The following DCXR variants were observed in gnomAD, a reference collection of about 807,000 sequenced individuals.
DCXR encodes the protein dicarbonyl and L-xylulose reductase, also known as L-xylulose reductase.
A neutral mutation model predicts 25.9 loss-of-function variants in DCXR; 24 were observed. The observed-to-expected ratio is 0.93, with a 90% CI of 0.67 to 1.30. DCXR has a LOEUF of 1.30. Among genes scored for constraint, DCXR ranks in the 50% most tolerant of loss-of-function variants. The pLI, the probability that DCXR is intolerant of heterozygous loss-of-function variation, is 0.00. For synonymous variants in DCXR, 161 were observed against 141.7 expected, an observed-to-expected ratio of 1.14 and a Z score of -0.97; for missense variants, 348 against 333.7, an observed-to-expected ratio of 1.04 and a Z score of -0.33.
In DCXR at chr17:82,036,035, G is replaced by C; in HGVS notation, c.660C>G (p.Leu220=). ...TGCCACTTCGGTCACTCAGCAGAAA[G>C]AGGATGGCGTTCACCACGTGCTCTA... ...AEVEHVVNAI[L]FLLSDRSGMT... is the part of the protein sequence containing the mutation. The change falls in exon 8 of 8, where the codon CTC becomes CTG. Residue 220 remains leucine (L), a synonymous_variant. Coordinates refer to ENST00000306869, the MANE Select transcript of DCXR (RefSeq NM_016286.4). 6.2e-7 allele frequency: 1 copy of C among 1,613,376 alleles called. No homozygotes were observed. Among genetic ancestry groups the C allele is most frequent in the Non-Finnish European group, 8.5e-7 (1 of 1,180,028 alleles).
In DCXR at chr17:82,036,315, C is replaced by G. The variant is rs372927639; in HGVS notation, c.514-7G>C. On this transcript the variant is annotated splice_polypyrimidine_tract_variant and splice_region_variant and intron_variant, in intron 6 of 7. Coordinates refer to ENST00000306869, the MANE Select transcript of DCXR (RefSeq NM_016286.4). ...TTACTGCATTCACTCGGATCTACACCGGGACAGCTGGGGTCAGCAGGGCAA... is the reference window on the plus strand; with the variant it reads ...TTACTGCATTCACTCGGATCTACACGGGGACAGCTGGGGTCAGCAGGGCAA... 5 of 1,613,330 alleles carry G rather than the reference C, an allele frequency of 3.1e-6. No individual in the cohort carries two copies. The African/African-American group carries it at 6.7e-5, about 22-fold the overall frequency.
Position 82,036,199 on chromosome 17 carries a change from T to C in DCXR, c.623A>G (p.Lys208Arg), listed in dbSNP as rs2043489211. Residue 208 changes from lysine to arginine, a missense_variant, in exon 7 of 8, where the codon AAG (lysine) becomes AGG (arginine). Physicochemically the swap from Lys to Arg is conservative, Grantham distance 26 (BLOSUM62 2). Transcript: ENST00000306869. ...GCTCCCACCTGACTCACCAGCAAAC[T>C]TGCCAAGTGGGATTCGGTTCAGCAT... ...KTMLNRIPLGKFAEVEHVVNA... is the reference protein window; with the variant it reads ...KTMLNRIPLGRFAEVEHVVNA... 2 of 1,613,196 alleles carry C rather than the reference T, an allele frequency of 1.2e-6. No individual in the cohort carries two copies. Among genetic ancestry groups the C allele is most frequent in the African/African-American group, 1.3e-5 (1 of 74,832 alleles).
rs777042131 is a variant in DCXR, at chr17:82,037,480, A to C, written c.120T>G (p.Thr40=). Reference sequence around the variant, plus strand: ...GGACAAGGCTGTCAAGATCCGCCTGAGTCCGGCTCACAGCCACCACCCGCG... The same window carrying C: ...GGACAAGGCTGTCAAGATCCGCCTGCGTCCGGCTCACAGCCACCACCCGCG... ...TGARVVAVSR[T]QADLDSLVRE... Residue 40 remains threonine, a synonymous_variant, in exon 2 of 8, where the codon ACT becomes ACG. Coordinates refer to ENST00000306869, the MANE Select transcript of DCXR (RefSeq NM_016286.4). The C allele has an allele frequency of 2.0e-6, 3 of 1,535,206 alleles. No homozygotes were observed. The highest frequency in any genetic ancestry group is 2.6e-6 in the Non-Finnish European group (3 of 1,147,860).
Position 82,036,718 on chromosome 17 carries a change from C to T in DCXR, c.348+3G>A. 1 of 1,613,572 alleles carries T rather than the reference C, an allele frequency of 6.2e-7. No individual in the cohort carries two copies. The highest frequency in any genetic ancestry group is 8.5e-7 in the Non-Finnish European group (1 of 1,180,006). ...TTCCCGTCCAGCCCACAGGGCAGCT[C>T]ACCTGCGACACCTGGATGACCGCAC... On this transcript the variant is annotated splice_donor_region_variant and intron_variant, in intron 4 of 7. Transcript: ENST00000306869.
intron 2 of DCXR, 131 bp downstream of exon 2, chr17:82,037,319 G>C: frequency 9.2e-7 from 1 of 1,088,492 alleles, no homozygotes; most frequent in South Asian, 1.7e-5. Flanking sequence ...GGGTGCGCGG[G>C]CGCCCAGGCC....
intron 1 of DCXR, 31 bp from the exon 2 acceptor site, chr17:82,037,578 CCTGCCCGCCT>C (rs2043508469): frequency 1.3e-6 from 2 of 1,547,088 alleles, no homozygotes; most frequent in African/African-American, 1.4e-5. Flanking sequence ...GAAGGCGTCC[CCTGCCCGCCT>C]CTGCCCGCCG....
At chr17:82,036,802 C>T in intron 3 of DCXR, 39 bp from the exon 4 acceptor site, 1 of 1,613,520 alleles carries the variant, frequency 6.2e-7, no homozygotes. Context: ...GAGATTAGGG[C>T]TGCTGCGTCC....
At chr17:82,037,294 A>T in intron 2 of DCXR, 156 bp downstream of exon 2, 1 of 992,236 alleles carries the variant, frequency 1.0e-6, no homozygotes, top group Non-Finnish European at 1.4e-6. Context: ...CACGCAGGCC[A>T]CCAGCCCCGA....
rs1400930245 is a variant in DCXR, at chr17:82,037,679, C to G, written c.4G>C (p.Glu2Gln). ...ACCCGGCGGCCCGCGAGGAACAGCT[C>G]CATGTCGGCGCAGTCTCCGCCCTCC... is the stretch of plus-strand genomic sequence containing the variant. M[E>Q]LFLAGRRVLV... The change falls in exon 1 of 8, where the codon GAG (glutamate) becomes CAG (glutamine). Residue 2 changes from glutamate (E) to glutamine (Q), a missense_variant. Transcript: ENST00000306869. 1.3e-6 allele frequency: 2 copies of G among 1,590,814 alleles called. No homozygotes were observed. Among genetic ancestry groups the G allele is most frequent in the Non-Finnish European group, 1.7e-6 (2 of 1,176,258 alleles).
intron 6 of DCXR, 34 bp downstream of exon 6, chr17:82,036,350 C>T (rs1481360891): frequency 6.2e-7 from 1 of 1,613,250 alleles, no homozygotes; most frequent in Non-Finnish European, 8.5e-7. Flanking sequence ...AGTGGGGTGT[C>T]CTAGGTTGGG....
intron 2 of DCXR, 160 bp from the exon 3 acceptor site, chr17:82,037,173 T>G: frequency 5.2e-6 from 5 of 968,110 alleles, no homozygotes; most frequent in Non-Finnish European, 7.6e-6. Context: ...CTCCGGCCGG[T>G]TCACTTCCTC....
At chr17:82,036,361 G>A (rs764224937) in intron 6 of DCXR, 23 bp downstream of exon 6, 12 of 1,613,228 alleles carry the variant, frequency 7.4e-6, no homozygotes, top group South Asian at 1.1e-5. Flanking sequence ...CTAGGTTGGG[G>A]GAGGTACCCC....
Position 82,036,053 on chromosome 17 carries a change from G to A in DCXR, c.642C>T (p.His214=), listed in dbSNP as rs745666336. ...IPLGKFAEVE[H]VVNAILFLLS... ...GCAGAAAGAGGATGGCGTTCACCAC[G>A]TGCTCTACCTCTGTGGGCAGGGCGG... The change falls in exon 8 of 8, where the codon CAC becomes CAT. Residue 214 remains histidine, a synonymous_variant. Transcript: ENST00000306869. The A allele has an allele frequency of 3.1e-6, 5 of 1,613,156 alleles. No individual in the cohort carries two copies. Among genetic ancestry groups the A allele is most frequent in the East Asian group, 2.2e-5 (1 of 44,900 alleles).
Position 82,037,280 on chromosome 17 carries a change from C to A in DCXR, c.150+170G>T. 5.4e-6 allele frequency: 5 copies of A among 934,556 alleles called. 1 individual carries two copies. In the South Asian group the frequency reaches 8.9e-5, roughly 17 times the overall value. The allele number at this position is 934,556 out of a possible 1,614,324, so 57.9% of individuals were successfully genotyped here. Reference sequence around the variant, plus strand: ...CCGGCGGCTCTGCCGACCACCCGGCCGCCCACGCAGGCCACCAGCCCCGAG... The same window carrying A: ...CCGGCGGCTCTGCCGACCACCCGGCAGCCCACGCAGGCCACCAGCCCCGAG... On this transcript the variant is annotated intron_variant, in intron 2 of 7. Coordinates refer to ENST00000306869, the MANE Select transcript of DCXR (RefSeq NM_016286.4).
chr17:82,036,679 A>G (rs776981111), intron 4 of DCXR, 36 bp from the exon 5 acceptor site: 2 of 1,613,480 alleles, frequency 1.2e-6, no homozygotes, highest in Non-Finnish European at 8.5e-7. Flanking sequence ...CAGAGCTGGC[A>G]TCACTCACGA....
At chr17:82,037,324 C>A in intron 2 of DCXR, 126 bp downstream of exon 2, 3 of 1,146,976 alleles carry the variant, frequency 2.6e-6, no homozygotes, top group Non-Finnish European at 3.5e-6. Context: ...CGCGGGCGCC[C>A]AGGCCGCGGT....
In DCXR at chr17:82,035,991, A is replaced by C. The variant is rs1393674362; in HGVS notation, c.704T>G (p.Leu235Trp). 1.2e-6 allele frequency: 2 copies of C among 1,613,318 alleles called. No homozygotes were observed. The highest frequency in any genetic ancestry group is 2.2e-5 in the East Asian group (1 of 44,882). ...DRSGMTTGST[L>W]PVEGGFWAC ...GGCCCAGAAGCCCCCTTCCACCGGC[A>C]AAGTGGAACCCGTGGTCATGCCACT... is the stretch of plus-strand genomic sequence containing the variant. The change falls in exon 8 of 8, where the codon TTG becomes TGG. Residue 235 changes from leucine (L) to tryptophan (W), a missense_variant. Coordinates refer to ENST00000306869, the MANE Select transcript of DCXR (RefSeq NM_016286.4).
chr17:82,036,332 G>A (rs1197606142), intron 6 of DCXR, 24 bp from the exon 7 acceptor site: 1 of 1,613,150 alleles, frequency 6.2e-7, no homozygotes. Flanking sequence ...GCTGGGGTCA[G>A]CAGGGCAAGT....
chr17:82,037,370 C>T (rs2043504630), intron 2 of DCXR, 80 bp downstream of exon 2: 5 of 1,388,134 alleles, frequency 3.6e-6, no homozygotes. Flanking sequence ...GGCGGAGTCG[C>T]GCACAGAGGT....
Sources: gnomAD v4.1 joint callset for allele counts on GRCh38, gnomAD v4.1.1 for gene constraint, MANE v1.5 for transcripts, NCBI Gene and HGNC (gene_info 2026-07-23, HGNC 2026-07-21) for gene names.